Variants in LEMD1 observed in about 807,000 individuals in gnomAD.
The protein encoded by LEMD1 is LEM domain containing 1.
A neutral mutation model predicts 17.4 loss-of-function variants in LEMD1; 18 were observed. The ratio of observed to expected loss-of-function variants is 1.04; its 90% CI spans 0.72 to 1.54. LEMD1 has a LOEUF of 1.54. Among genes scored for constraint, LEMD1 ranks in the 40% most tolerant of loss-of-function variants. The pLI, the probability that LEMD1 is intolerant of heterozygous loss-of-function variation, is 0.00. For synonymous variants in LEMD1, 88 were observed against 77.8 expected (o/e 1.13, Z -0.69); for missense variants, 195 against 210.4 (o/e 0.93, Z 0.45).
At chr1:205,426,740 C>A (rs1383339636), upstream of LEMD1, among the ~76,000 whole-genome samples, 1 of 152,072 alleles carries the variant, frequency 6.6e-6, no homozygotes, top group Non-Finnish European at 1.5e-5. Context: ...GTGTTTAGGC[C>A]CCCAGGTCCC....
intron 4 of LEMD1, among the ~76,000 whole-genome samples, chr1:205,397,377 T>C (rs995324163): frequency 6.6e-6 from 1 of 152,180 alleles, no homozygotes; most frequent in Non-Finnish European, 1.5e-5. Flanking sequence ...GCCTGTGTCC[T>C]CATCTGTGAG....
chr1:205,443,937 G>A (rs1309767449), intron 1 of LEMD1, among the ~76,000 whole-genome samples: 1 of 152,132 alleles, frequency 6.6e-6, no homozygotes, highest in African/African-American at 2.4e-5. Flanking sequence ...TCTCTGCTTT[G>A]CTCGAGCAGG....
chr1:205,419,500 G>C, intron 2 of LEMD1, 148 bp from the exon 3 acceptor site: 1 of 883,376 alleles, frequency 1.1e-6, no homozygotes, highest in Non-Finnish European at 1.7e-6. Flanking sequence ...GGGTCTCACT[G>C]TGTCTCCCAA....
In LEMD1 at chr1:205,416,290, T is replaced by G. The variant is rs1391848839; in HGVS notation, c.212A>C (p.Asn71Thr). The G allele has an allele frequency of 1.3e-6, 2 of 1,547,616 alleles. No homozygotes were observed. The highest frequency in any genetic ancestry group is 2.7e-5 in the African/African-American group (2 of 72,960). Residue 71 changes from asparagine (N) to threonine (T), a missense_variant, in exon 4 of 6, where the codon AAT becomes ACT. Asn to Thr is a moderately conservative substitution (Grantham distance 65). Coordinates refer to ENST00000367153, the MANE Select transcript of LEMD1 (RefSeq NM_001199050.2). ...AQDSDDSEEL[N>T]IILQGNIILS... ...TATGATATTTCCTTGCAAAATGATA[T>G]TAAGCTCTGGATCATGGGAAACAAA...
chr1:205,417,795 T>G (rs1445153753), intron 3 of LEMD1, among the ~76,000 whole-genome samples: 1 of 150,026 alleles, frequency 6.7e-6, no homozygotes. Flanking sequence ...TAATTTGAAC[T>G]ATATGATATT....
chr1:205,432,926 A>T (rs955180995), intron 1 of LEMD1, among the ~76,000 whole-genome samples: 1 of 152,188 alleles, frequency 6.6e-6, no homozygotes, highest in South Asian at 2.1e-4. Flanking sequence ...TGAGAAGACC[A>T]CTTGAGCCTG....
In LEMD1 at chr1:205,384,324, G is replaced by C; in HGVS notation, c.311C>G (p.Thr104Ser). Residue 104 changes from threonine (T) to serine (S), a missense_variant, in exon 5 of 6, where the codon ACC (threonine) becomes AGC (serine). Physicochemically the swap from Thr to Ser is moderately conservative, Grantham distance 58. Coordinates refer to ENST00000367153, the MANE Select transcript of LEMD1 (RefSeq NM_001199050.2). ...GGAAGGCTTATAATCCAAGCAATAG[G>C]TATCTACAGCTTTGCGTTTAGTGGT... ...ASTTKRKAVD[T>S]YCLDYKPSKG... 3.9e-6 allele frequency: 6 copies of C among 1,523,976 alleles called. No individual in the cohort carries two copies. Among genetic ancestry groups the C allele is most frequent in the Non-Finnish European group, 5.3e-6 (6 of 1,136,714 alleles). 94.4% of individuals were successfully genotyped at this position (1,523,976 alleles called of 1,614,324 possible). A position where few individuals can be genotyped will look rare whatever the true frequency, so the allele number is the denominator to read the frequency against.
chr1:205,444,994 C>A (rs1666359120), intron 1 of LEMD1, among the ~76,000 whole-genome samples: 1 of 152,038 alleles, frequency 6.6e-6, no homozygotes, highest in Non-Finnish European at 1.5e-5. Flanking sequence ...CCCTCCCCGG[C>A]TCCCTTAGCA....
At chr1:205,402,102 G>A (rs1005468216) in intron 4 of LEMD1, among the ~76,000 whole-genome samples, 3 of 152,156 alleles carry the variant, frequency 2.0e-5, no homozygotes, top group African/African-American at 7.2e-5. Context: ...TTTGGTTACT[G>A]TAGCCTTGTA....
intron 3 of LEMD1, 120 bp from the exon 4 acceptor site, chr1:205,416,416 A>C: frequency 1.5e-6 from 1 of 678,268 alleles, no homozygotes; most frequent in South Asian, 1.9e-5. Context: ...AAGGGGATGA[A>C]AATTCACGTG....
chr1:205,385,588 G>C (rs1663963298), intron 4 of LEMD1: 1 of 152,200 alleles, frequency 6.6e-6, no homozygotes, highest in African/African-American at 2.4e-5. Context: ...ATTTCAGAAG[G>C]GCCTGCCAAA....
At chr1:205,429,766 G>A (rs1208943135) in intron 1 of LEMD1, among the ~76,000 whole-genome samples, 1 of 151,862 alleles carries the variant, frequency 6.6e-6, no homozygotes, top group African/African-American at 2.4e-5. Context: ...CATTTTTCTC[G>A]GCTATTTTGA....
chr1:205,390,030 CT>C (rs1335649350), intron 4 of LEMD1, among the ~76,000 whole-genome samples: 1 of 151,996 alleles, frequency 6.6e-6, no homozygotes, highest in African/African-American at 2.4e-5. Flanking sequence ...GGTTAAAAAC[CT>C]TATGATCATC....
chr1:205,441,932 T>C lies in LEMD1; in HGVS notation c.-39+7936A>G, dbSNP rs1666299961. Among the ~76,000 whole-genome samples, 1 of 152,198 alleles carries C rather than the reference T, an allele frequency of 6.6e-6. No homozygotes were observed. Among genetic ancestry groups the C allele is most frequent in the Non-Finnish European group, 1.5e-5 (1 of 68,028 alleles). ...GCTCTGGTATCTGTTGCAGTCTGGC[T>C]GGGGAAGAGAGGGAGCTTCAGGAGC... is the stretch of plus-strand genomic sequence containing the variant. On this transcript the variant is annotated intron_variant, in intron 1 of 3. Transcript: ENST00000367154. This position sits in a 1 kb window ranked among gnomAD's most constrained non-coding sequence, Gnocchi z 4.3.
At chr1:205,428,167 CAG>C (rs1218424472) in intron 1 of LEMD1, among the ~76,000 whole-genome samples, 2 of 152,138 alleles carry the variant, frequency 1.3e-5, no homozygotes, top group Non-Finnish European at 2.9e-5. Context: ...TTAAAATAAA[CAG>C]AAGTCAATTA....
intron 4 of LEMD1, among the ~76,000 whole-genome samples, chr1:205,394,506 T>G (rs1397320962): frequency 1.3e-5 from 2 of 151,984 alleles, no homozygotes; most frequent in Admixed American, 6.6e-5. Flanking sequence ...TGCCTCAGCC[T>G]CCCAAGTAGC....
chr1:205,411,971 C>G (rs1665473494), intron 4 of LEMD1, among the ~76,000 whole-genome samples: 1 of 152,186 alleles, frequency 6.6e-6, no homozygotes, highest in African/African-American at 2.4e-5. Flanking sequence ...GAAGATGGGA[C>G]ACAGATATAA....
intron 4 of LEMD1, among the ~76,000 whole-genome samples, chr1:205,397,461 T>C (rs1019700622): frequency 4.6e-5 from 7 of 152,110 alleles, no homozygotes; most frequent in Non-Finnish European, 8.8e-5. Flanking sequence ...ATGTAAAAAT[T>C]AGCAGGGTGT....
At chr1:205,411,160 AAGAG>A (rs1457116411) in intron 4 of LEMD1, among the ~76,000 whole-genome samples, 2 of 148,600 alleles carry the variant, frequency 1.3e-5, no homozygotes, top group Non-Finnish European at 3.0e-5. Flanking sequence ...AGAAAGAAGA[AAGAG>A]AGAGAGAAAG....
Sources: allele counts gnomAD v4.1 joint callset (sites outside exome capture counted in the v4.1 genomes callset), GRCh38; gene constraint gnomAD v4.1.1; non-coding constraint Gnocchi (gnomAD v3.1); transcripts MANE v1.5; gene names NCBI Gene and HGNC (gene_info 2026-07-23, HGNC 2026-07-21).